The following NUTF2 variants were observed in gnomAD, a reference collection of about 807,000 sequenced individuals.
NUTF2 encodes placental protein 15.
Under a neutral mutation model 18.5 loss-of-function variants are expected in NUTF2, and 3 were observed. The ratio of observed to expected loss-of-function variants is 0.16; its 90% confidence interval spans 0.07 to 0.42. NUTF2 has a LOEUF of 0.42. NUTF2 is among the 10% of genes least tolerant of loss of function. The probability of loss-of-function intolerance (pLI) is 0.99; values close to 1 mark genes in which losing one functional copy is unlikely to be tolerated. For synonymous variants in NUTF2, 51 were observed against 57.9 expected, an observed-to-expected ratio of 0.88 and a Z score of 0.54; for missense variants, 44 against 160.7, an observed-to-expected ratio of 0.27 and a Z score of 3.93.
At chr16:67,848,153 C>G (rs1317807491) in intron 1 of NUTF2, among the ~76,000 whole-genome samples, 1 of 152,170 alleles carries the variant, frequency 6.6e-6, no homozygotes, top group African/African-American at 2.4e-5. Context: ...AAATACTATC[C>G]TGATATCCTT....
chr16:67,860,141 A>C (rs962166291), intron 1 of NUTF2, among the ~76,000 whole-genome samples: 2 of 151,636 alleles, frequency 1.3e-5, no homozygotes, highest in East Asian at 3.9e-4. Context: ...CACCACGCCC[A>C]GCTAATTTTT....
intron 1 of NUTF2, among the ~76,000 whole-genome samples, chr16:67,848,138 C>T (rs2057821704): frequency 6.6e-6 from 1 of 152,076 alleles, no homozygotes; most frequent in African/African-American, 2.4e-5. Flanking sequence ...TTATCTTTGA[C>T]CAAAAAATAC....
intron 1 of NUTF2, among the ~76,000 whole-genome samples, chr16:67,863,453 CTT>C (rs1567383403): frequency 6.6e-6 from 1 of 152,182 alleles, no homozygotes; most frequent in African/African-American, 2.4e-5. Flanking sequence ...CGTTCTCACT[CTT>C]TCCCTACACG....
intron 1 of NUTF2, among the ~76,000 whole-genome samples, chr16:67,858,275 C>G (rs1163126519): frequency 6.6e-6 from 1 of 152,212 alleles, no homozygotes; most frequent in Non-Finnish European, 1.5e-5. Flanking sequence ...TCAAGTGATT[C>G]TACCACCTCA....
At chr16:67,857,797 C>G (rs2151296861) in intron 1 of NUTF2, among the ~76,000 whole-genome samples, 1 of 152,314 alleles carries the variant, frequency 6.6e-6, no homozygotes, top group South Asian at 2.1e-4. Context: ...GGGCCAAGCC[C>G]CAATTGCCAC....
chr16:67,868,479 C>A (rs766680220), intron 3 of NUTF2, 22 bp from the exon 4 acceptor site: 4 of 1,613,878 alleles, frequency 2.5e-6, no homozygotes, highest in African/African-American at 1.3e-5. Flanking sequence ...GGTTCTCCCA[C>A]CTCCCACTCT....
At chr16:67,859,743 G>A (rs905857202) in intron 1 of NUTF2, among the ~76,000 whole-genome samples, 5 of 147,048 alleles carry the variant, frequency 3.4e-5, no homozygotes, top group African/African-American at 1.0e-4. Context: ...TGATCCACCC[G>A]CCTTGGCCTC....
intron 1 of NUTF2, among the ~76,000 whole-genome samples, chr16:67,860,727 A>G (rs921447339): frequency 6.6e-6 from 1 of 152,232 alleles, no homozygotes; most frequent in Non-Finnish European, 1.5e-5. Flanking sequence ...ACTGTAGGCC[A>G]TGCAAATCTG....
At chr16:67,865,767 G>A (rs1490817162) in intron 2 of NUTF2, among the ~76,000 whole-genome samples, 1 of 147,940 alleles carries the variant, frequency 6.8e-6, no homozygotes, top group Non-Finnish European at 1.5e-5. Context: ...TCGCCAGGCT[G>A]GAGTGCAATG....
In NUTF2 at chr16:67,851,221, G is replaced by A. The variant is rs143116184; in HGVS notation, c.-30+4236G>A. Among the ~76,000 whole-genome samples, 19 of 151,998 alleles carry A rather than the reference G, an allele frequency of 1.3e-4. No homozygotes were observed. The East Asian group carries it at 3.3e-3, about 26-fold the overall frequency. ...GAATAGGCAGGGTGCGGTGGCTCAT[G>A]CCTGTAATCCCAGCACTTTGGGAGG... On this transcript the variant is annotated intron_variant, in intron 1 of 4. Coordinates refer to ENST00000219169, the MANE Select transcript of NUTF2 (RefSeq NM_005796.3).
At chr16:67,857,792 A>C (rs942719550) in intron 1 of NUTF2, among the ~76,000 whole-genome samples, 1 of 152,378 alleles carries the variant, frequency 6.6e-6, no homozygotes, top group Non-Finnish European at 1.5e-5. Flanking sequence ...TATTGGGGCC[A>C]AGCCCCAATT....
rs147326115 is a variant in NUTF2, at chr16:67,871,311, T to A, written c.*398T>A. ...ATACAATAAAACCACAAAAATTTTCTTAACAGTTTAAATTGTTTTAATTAG... is the reference window on the plus strand; with the variant it reads ...ATACAATAAAACCACAAAAATTTTCATAACAGTTTAAATTGTTTTAATTAG... On this transcript the variant is annotated 3_prime_UTR_variant, in exon 5 of 5. Coordinates refer to ENST00000219169, the MANE Select transcript of NUTF2 (RefSeq NM_005796.3). The A allele has an allele frequency of 3.7e-4, 59 of 159,800 alleles. No homozygotes were observed. The East Asian group carries it at 0.01, about 28-fold the overall frequency. 9.9% of individuals were successfully genotyped at this position (159,800 alleles called of 1,614,324 possible).
At chr16:67,856,177 A>AGTTT in intron 1 of NUTF2, 2 of 337,420 alleles carry the variant, frequency 5.9e-6, no homozygotes, top group Non-Finnish European at 1.1e-5. Context: ...AGCTGTTTGC[A>AGTTT]TCTCGGCCAG....
intron 2 of NUTF2, among the ~76,000 whole-genome samples, chr16:67,866,417 G>C (rs1024298269): frequency 6.8e-6 from 1 of 146,214 alleles, no homozygotes; most frequent in African/African-American, 2.5e-5. Flanking sequence ...AGCGATTCTT[G>C]TGCCTAGCCT....
At chr16:67,859,280 A>G (rs2057918559) in intron 1 of NUTF2, among the ~76,000 whole-genome samples, 1 of 151,190 alleles carries the variant, frequency 6.6e-6, no homozygotes, top group African/African-American at 2.4e-5. Flanking sequence ...CTCAGGTTCA[A>G]GCAGTTCTCC....
chr16:67,868,696 C>A, intron 4 of NUTF2, 97 bp downstream of exon 4: 1 of 1,133,494 alleles, frequency 8.8e-7, no homozygotes, highest in Non-Finnish European at 1.3e-6. Flanking sequence ...TATCTAGGGA[C>A]ACCCAGACAA....
At chr16:67,847,136 C>A (rs1007142663) in intron 1 of NUTF2, 151 bp downstream of exon 1, 5 of 148,530 alleles carry the variant, frequency 3.4e-5, no homozygotes, top group Non-Finnish European at 7.5e-5. Flanking sequence ...GGCCATGTGT[C>A]GCGCGCGGCT....
chr16:67,868,267 A>T, intron 2 of NUTF2, 73 bp from the exon 3 acceptor site: 1 of 1,402,682 alleles, frequency 7.1e-7, no homozygotes, highest in Non-Finnish European at 9.9e-7. Flanking sequence ...GGCCCTTTTC[A>T]GAGTCTTTCC....
chr16:67,861,226 C>T (rs1172404052), intron 1 of NUTF2, among the ~76,000 whole-genome samples: 1 of 152,328 alleles, frequency 6.6e-6, no homozygotes, highest in East Asian at 1.9e-4. Flanking sequence ...TCATCTCTAA[C>T]AAGGGGGTTG....
Sources: allele counts gnomAD v4.1 joint callset (sites outside exome capture counted in the v4.1 genomes callset), GRCh38; gene constraint gnomAD v4.1.1; transcripts MANE v1.5; gene names NCBI Gene and HGNC (gene_info 2026-07-23, HGNC 2026-07-21).